CFAP54: variants seen among roughly 807,000 people sequenced by gnomAD.
CFAP54 encodes the protein cilia and flagella associated protein 54.
In CFAP54, 290 loss-of-function variants were observed where a neutral mutation model predicts 370.4. The observed-to-expected ratio is 0.78, with a 90% CI of 0.71 to 0.86. The LOEUF (loss-of-function observed/expected upper bound fraction) is 0.86. Ranked by LOEUF, CFAP54 falls within the 40% of genes least tolerant of loss-of-function variation. The pLI is 0.00. For missense variants in CFAP54, 3,399 were observed against 3,528.7 expected, an observed-to-expected ratio of 0.96 and a Z score of 0.93; for synonymous variants, 1,206 against 1,236.5, an observed-to-expected ratio of 0.98 and a Z score of 0.52.
chr12:96,525,272 T>G (rs1341000800), intron 8 of CFAP54, among the ~76,000 whole-genome samples: 2 of 151,938 alleles, frequency 1.3e-5, no homozygotes, highest in South Asian at 4.1e-4. Context: ...CTTTGACCAT[T>G]TATTTACTAG....
chr12:96,788,812 G>T (rs1434197894), intron 62 of CFAP54, among the ~76,000 whole-genome samples: 1 of 152,102 alleles, frequency 6.6e-6, no homozygotes, highest in African/African-American at 2.4e-5. Context: ...TTCTCAGTTG[G>T]TGTTATGCAG....
chr12:96,833,854 C>T (rs1453020919), intron 66 of CFAP54, among the ~76,000 whole-genome samples: 1 of 151,900 alleles, frequency 6.6e-6, no homozygotes, highest in East Asian at 1.9e-4. Flanking sequence ...ATGGCATGTG[C>T]AGACATTATT....
At chr12:96,700,232 A>G (rs1341375555) in intron 46 of CFAP54, 139 bp downstream of exon 46, 3 of 928,020 alleles carry the variant, frequency 3.2e-6, no homozygotes, top group African/African-American at 3.5e-5. Context: ...TACAACTAAC[A>G]TCAGGATTTT....
chr12:96,551,606 A>G (rs1955695512), intron 15 of CFAP54, among the ~76,000 whole-genome samples: 1 of 152,124 alleles, frequency 6.6e-6, no homozygotes, highest in East Asian at 1.9e-4. Flanking sequence ...AATGCAATAC[A>G]TTGCATTAGC....
intron 36 of CFAP54, among the ~76,000 whole-genome samples, chr12:96,656,374 A>G (rs1592691688): frequency 2.0e-5 from 3 of 148,774 alleles, no homozygotes; most frequent in Admixed American, 6.7e-5. Context: ...ATAAAATATC[A>G]GCTTTGTTGG....
chr12:96,512,429 G>A (rs1465891062), intron 4 of CFAP54, among the ~76,000 whole-genome samples: 15 of 148,772 alleles, frequency 1.0e-4, no homozygotes, highest in African/African-American at 3.4e-4. Flanking sequence ...TGCAACCTCC[G>A]CCTCCCAGGT....
chr12:96,635,901 CT>C (rs1956659817), intron 32 of CFAP54, among the ~76,000 whole-genome samples: 1 of 152,178 alleles, frequency 6.6e-6, no homozygotes, highest in African/African-American at 2.4e-5. Context: ...GAGCACCACC[CT>C]CCTAGCTTGT....
At chr12:96,539,153 C>T (rs1426754142) in intron 13 of CFAP54, among the ~76,000 whole-genome samples, 1 of 147,624 alleles carries the variant, frequency 6.8e-6, no homozygotes, top group South Asian at 2.2e-4. Flanking sequence ...CTCTGCCTGC[C>T]GGGTTCAAGC....
chr12:96,866,658 T>TC (rs1960013738), intron 67 of CFAP54, among the ~76,000 whole-genome samples: 2 of 152,156 alleles, frequency 1.3e-5, no homozygotes, highest in Non-Finnish European at 2.9e-5. Context: ...ATTTAATTTT[T>TC]CCCCACAAGA....
chr12:96,563,115 T>G (rs1056923673), intron 17 of CFAP54, among the ~76,000 whole-genome samples: 1 of 152,198 alleles, frequency 6.6e-6, no homozygotes, highest in Admixed American at 6.5e-5. Flanking sequence ...AGTTTTTTTT[T>G]AAACTCATGG....
At chr12:96,516,780 A>C (rs549439632) in intron 5 of CFAP54, among the ~76,000 whole-genome samples, 2 of 152,356 alleles carry the variant, frequency 1.3e-5, no homozygotes, top group Non-Finnish European at 2.9e-5. Flanking sequence ...TGGCTTGAAC[A>C]GTTACTGTCA....
rs376774249 is a variant in CFAP54 at position 96,708,778 on chromosome 12, C to T, written c.6699C>T (p.Ser2233=). The stretch of plus-strand genomic sequence containing the variant: ...TTAAGACAGTAATTACCAACAAGAG[C>T]AAACCAAACCTACCAAACTTGGAAG... The part of the protein sequence containing the change: ...NKFKTVITNK[S]KPNLPNLEEI... Residue 2233 remains serine (S), a synonymous_variant, in exon 48 of 68, where the codon AGC becomes AGT. Transcript: ENST00000524981. 1.9e-5 allele frequency: 31 copies of T among 1,597,258 alleles called. No homozygotes were observed. In the East Asian group the frequency reaches 2.7e-4, roughly 14 times the overall value.
At chr12:96,756,633 C>G in intron 57 of CFAP54, 70 bp downstream of exon 57, 1 of 995,420 alleles carries the variant, frequency 1.0e-6, no homozygotes, top group Non-Finnish European at 1.5e-6. Flanking sequence ...AGTACATTGA[C>G]CACTCAAGGC....
intron 1 of CFAP54, among the ~76,000 whole-genome samples, chr12:96,497,042 T>C (rs12300396): frequency 0.14 from 20,848 of 152,236 alleles, 1,538 homozygotes; most frequent in Middle Eastern, 0.19. Flanking sequence ...CAATCCTTTA[T>C]TCATTCATTC....
chr12:96,704,460 A>G (rs1390636741), intron 46 of CFAP54, among the ~76,000 whole-genome samples: 402 of 25,598 alleles, frequency 0.016, 14 homozygotes, highest in African/African-American at 0.056. Context: ...GTGTATATAT[A>G]TATATATATA....
At chr12:96,766,465 CTTCTT>C (rs1958402933) in intron 60 of CFAP54, among the ~76,000 whole-genome samples, 1 of 152,146 alleles carries the variant, frequency 6.6e-6, no homozygotes, top group Admixed American at 6.5e-5. Context: ...CTGGTCACCA[CTTCTT>C]TGCTTAACAC....
At chr12:96,650,548 T>G (rs1350026136) in intron 35 of CFAP54, among the ~76,000 whole-genome samples, 1 of 152,124 alleles carries the variant, frequency 6.6e-6, no homozygotes, top group Non-Finnish European at 1.5e-5. Context: ...CACTTCCATG[T>G]TCTCTCAAAT....
chr12:96,493,493 T>G (rs1361106994), intron 1 of CFAP54, among the ~76,000 whole-genome samples: 1 of 152,196 alleles, frequency 6.6e-6, no homozygotes, highest in Non-Finnish European at 1.5e-5. Flanking sequence ...ATCAATTATG[T>G]GTATTTTATG....
At chr12:96,762,243 G>A (rs1958347637) in intron 58 of CFAP54, among the ~76,000 whole-genome samples, 1 of 152,128 alleles carries the variant, frequency 6.6e-6, no homozygotes, top group South Asian at 2.1e-4. Context: ...TCATTTGTGT[G>A]TATTCATTGT....
Sources: allele counts gnomAD v4.1 joint callset (sites outside exome capture counted in the v4.1 genomes callset), GRCh38; gene constraint gnomAD v4.1.1; transcripts MANE v1.5; gene names NCBI Gene and HGNC (gene_info 2026-07-23, HGNC 2026-07-21).